RAB5B: variants seen among roughly 807,000 people sequenced by gnomAD.
RAB5B encodes the protein ras-related protein Rab-5B.
In RAB5B, 11 loss-of-function variants were observed where a neutral mutation model predicts 28.6. The ratio of observed to expected loss-of-function variants is 0.38; its 90% CI spans 0.24 to 0.64. The LOEUF is 0.64. RAB5B is among the 30% of genes least tolerant of loss of function. The pLI, the probability that RAB5B is intolerant of heterozygous loss-of-function variation, is 0.53. For synonymous variants in RAB5B, 93 were observed against 97.9 expected (o/e 0.95, Z 0.29); for missense variants, 169 against 265.6 (o/e 0.64, Z 2.53).
rs772342977 is a variant in RAB5B at position 55,994,471 on chromosome 12, C to T, written c.*2259C>T. 2.0e-5 allele frequency: 3 copies of T among 150,384 alleles called. No individual in the cohort carries two copies. The highest frequency in any genetic ancestry group is 4.9e-5 in the African/African-American group (2 of 40,750). 9.3% of individuals were successfully genotyped at this position (150,384 alleles called of 1,614,324 possible). On this transcript the variant is annotated 3_prime_UTR_variant, in exon 6 of 6. Coordinates refer to ENST00000360299, the MANE Select transcript of RAB5B (RefSeq NM_002868.4). Reference sequence around the variant, plus strand: ...CTCTACTTCCTACCACCTCTTCTGCCTTCCTTTGAGCTCTGTTGGGCTTGG... The same window carrying T: ...CTCTACTTCCTACCACCTCTTCTGCTTTCCTTTGAGCTCTGTTGGGCTTGG...
chr12:55,988,584 A>G (rs546901603), intron 2 of RAB5B, among the ~76,000 whole-genome samples: 2 of 152,148 alleles, frequency 1.3e-5, no homozygotes, highest in African/African-American at 4.8e-5. Context: ...GCTCATTGCA[A>G]CTTCTGCCTC....
In RAB5B at chr12:55,996,584, C is replaced by G. The variant is rs1890315620; in HGVS notation, c.*4372C>G. On this transcript the variant is annotated 3_prime_UTR_variant, in exon 6 of 6. Transcript: ENST00000360299. ...CCTCGAACTCCTGGGCTTAAGCGAT[C>G]CTCCCGCCTCAGCCTCCCGAGTACT... 6.6e-6 allele frequency: 1 copy of G among 152,150 alleles called. No homozygotes were observed. Among genetic ancestry groups the G allele is most frequent in the African/African-American group, 2.4e-5 (1 of 41,430 alleles). 9.4% of individuals were successfully genotyped at this position (152,150 alleles called of 1,614,324 possible). A position where few individuals can be genotyped will look rare whatever the true frequency, so the allele number is the denominator to read the frequency against.
At position 55,993,700 on chromosome 12, in the gene RAB5B, A is replaced by T. The variant is rs1890204349; in HGVS notation, c.*1488A>T. On this transcript the variant is annotated 3_prime_UTR_variant, in exon 6 of 6. Transcript: ENST00000360299. ...TAGTCCCTCCATCCTTAATCCCCCC[A>T]TCCCTCCCCATCATGCAACCAGTGG... 6.6e-6 allele frequency: 1 copy of T among 152,314 alleles called. No individual in the cohort carries two copies. Among genetic ancestry groups the T allele is most frequent in the Non-Finnish European group, 1.5e-5 (1 of 68,002 alleles). 9.4% of individuals were successfully genotyped at this position (152,314 alleles called of 1,614,324 possible).
Position 55,994,697 on chromosome 12 carries a change from AAAAAG to A in RAB5B, c.*2491_*2495del, listed in dbSNP as rs1890237579. The A allele has an allele frequency of 6.6e-6, 1 of 152,584 alleles. No homozygotes were observed. Among genetic ancestry groups the A allele is most frequent in the Admixed American group, 6.5e-5 (1 of 15,278 alleles). 9.5% of individuals were successfully genotyped at this position (152,584 alleles called of 1,614,324 possible). ...TATTTAATGTAAGTAAAAAAAGGAAAAAAAGAAAAGGGCATTGGAGTGTTGCTTTT... is the reference window on the plus strand; with the variant it reads ...TATTTAATGTAAGTAAAAAAAGGAAAAAAAGGGCATTGGAGTGTTGCTTTT... On this transcript the variant is annotated 3_prime_UTR_variant, in exon 6 of 6. Coordinates refer to ENST00000360299, the MANE Select transcript of RAB5B (RefSeq NM_002868.4).
Position 55,996,003 on chromosome 12 carries a change from A to ATATATATATATATATTTTTTT in RAB5B, c.*3792_*3793insATATATATATATATTTTTTTT. On this transcript the variant is annotated 3_prime_UTR_variant, in exon 6 of 6. Coordinates refer to ENST00000360299, the MANE Select transcript of RAB5B (RefSeq NM_002868.4). ...TATATACATATATATATATATATAT[A>ATATATATATATATATTTTTTT]TTTTTTTTTTAACAACTGGTAGGAT... The ATATATATATATATATTTTTTT allele has an allele frequency of 2.6e-4, 25 of 97,390 alleles. No homozygotes were observed. Among genetic ancestry groups the ATATATATATATATATTTTTTT allele is most frequent in the Non-Finnish European group, 4.2e-4 (21 of 50,472 alleles). The allele number at this position is 97,390 out of a possible 1,614,324, so 6.0% of individuals were successfully genotyped here.
intron 1 of RAB5B, among the ~76,000 whole-genome samples, chr12:55,984,369 T>C (rs916225923): frequency 6.6e-6 from 1 of 152,166 alleles, no homozygotes; most frequent in Non-Finnish European, 1.5e-5. Flanking sequence ...TTTGTATTTT[T>C]AGTAGAGACG....
chr12:55,979,726 T>C (rs1320896770), intron 1 of RAB5B, among the ~76,000 whole-genome samples: 1 of 152,148 alleles, frequency 6.6e-6, no homozygotes, highest in African/African-American at 2.4e-5. Flanking sequence ...TCTTAATTTG[T>C]TTTTAGTCCC....
At chr12:55,983,998 T>C (rs1889882287) in intron 1 of RAB5B, among the ~76,000 whole-genome samples, 2 of 151,918 alleles carry the variant, frequency 1.3e-5, no homozygotes, top group South Asian at 2.1e-4. Context: ...CACTTTCATA[T>C]TGTGGCTTCT....
Position 55,990,692 on chromosome 12 carries a change from C to T in RAB5B, c.326C>T (p.Ala109Val), listed in dbSNP as rs765629876. 1.3e-5 allele frequency: 21 copies of T among 1,613,500 alleles called. No homozygotes were observed. The Admixed American group carries it at 3.0e-4, about 23-fold the overall frequency. ...TTCATGTTTTCCTAGGAAACCTTTG[C>T]CCGAGCAAAGACATGGGTGAAGGAA... ...VYDITNQETF[A>V]RAKTWVKELQ... Residue 109 changes from alanine to valine, a missense_variant, in exon 4 of 6, where the codon GCC becomes GTC. By Grantham distance (64) the Ala-to-Val change is moderately conservative. Transcript: ENST00000360299.
At chr12:55,991,575 C>T in intron 5 of RAB5B, 122 bp downstream of exon 5, 1 of 720,686 alleles carries the variant, frequency 1.4e-6, no homozygotes. Flanking sequence ...ATGGAAATAC[C>T]TTAACTTTCT....
chr12:55,983,857 G>A (rs1203775367), intron 1 of RAB5B, among the ~76,000 whole-genome samples: 4 of 151,496 alleles, frequency 2.6e-5, no homozygotes, highest in East Asian at 3.9e-4. Context: ...ACTCAGTCTC[G>A]CTATGTTGCC....
Position 55,993,746 on chromosome 12 carries a change from G to A in RAB5B, c.*1534G>A, listed in dbSNP as rs1053368606. 7 of 152,392 alleles carry A rather than the reference G, an allele frequency of 4.6e-5. No homozygotes were observed. Among genetic ancestry groups the A allele is most frequent in the Admixed American group, 2.6e-4 (4 of 15,258 alleles). 9.4% of individuals were successfully genotyped at this position (152,392 alleles called of 1,614,324 possible). On this transcript the variant is annotated 3_prime_UTR_variant, in exon 6 of 6. Coordinates refer to ENST00000360299, the MANE Select transcript of RAB5B (RefSeq NM_002868.4). ...AGTGGTTTAATCCATGTACCAATAG[G>A]GGCTAGTACCACAGAGGCCTCCTGT...
In RAB5B at chr12:55,995,999, A is replaced by ATTT. The variant is rs1207856151; in HGVS notation, c.*3788_*3789insTTT. On this transcript the variant is annotated 3_prime_UTR_variant, in exon 6 of 6. Coordinates refer to ENST00000360299, the MANE Select transcript of RAB5B (RefSeq NM_002868.4). ...TATATATATACATATATATATATAT[A>ATTT]TATATTTTTTTTTTAACAACTGGTA... 3 of 85,828 alleles carry ATTT rather than the reference A, an allele frequency of 3.5e-5. No homozygotes were observed. Among genetic ancestry groups the ATTT allele is most frequent in the African/African-American group, 1.6e-4 (3 of 18,354 alleles). 5.3% of individuals were successfully genotyped at this position (85,828 alleles called of 1,614,324 possible). A position where few individuals can be genotyped will look rare whatever the true frequency, so the allele number is the denominator to read the frequency against.
chr12:55,991,132 TC>T (rs1890104813), intron 4 of RAB5B: 2 of 550,266 alleles, frequency 3.6e-6, no homozygotes, highest in African/African-American at 1.9e-5. Flanking sequence ...ACTTACCCTC[TC>T]CCCTATAATT....
intron 1 of RAB5B, among the ~76,000 whole-genome samples, chr12:55,979,028 C>T (rs1889726551): frequency 6.6e-6 from 1 of 152,058 alleles, no homozygotes; most frequent in Non-Finnish European, 1.5e-5. Context: ...CTGCCTTGGC[C>T]TCTCAAAGTG....
At chr12:55,983,603 C>G (rs1490142905) in intron 1 of RAB5B, among the ~76,000 whole-genome samples, 1 of 150,202 alleles carries the variant, frequency 6.7e-6, no homozygotes, top group East Asian at 1.9e-4. Flanking sequence ...ACCTTGAGTT[C>G]TCACCTCTCA....
chr12:55,990,631 A>T, intron 3 of RAB5B, 51 bp from the exon 4 acceptor site: 1 of 1,605,714 alleles, frequency 6.2e-7, no homozygotes, highest in Non-Finnish European at 8.5e-7. Flanking sequence ...AAGGTGATGG[A>T]TATGGATTGG....
intron 1 of RAB5B, among the ~76,000 whole-genome samples, chr12:55,981,809 T>C (rs1276508111): frequency 6.7e-6 from 1 of 149,494 alleles, no homozygotes; most frequent in Non-Finnish European, 1.5e-5. Flanking sequence ...CGTACTTCTT[T>C]TTTTTTTTTT....
intron 2 of RAB5B, 82 bp from the exon 3 acceptor site, chr12:55,989,865 A>G (rs1051402627): frequency 1.9e-5 from 28 of 1,474,998 alleles, no homozygotes; most frequent in Non-Finnish European, 2.6e-5. Context: ...AGTGTAGGGC[A>G]GTTACATTTT....
Sources: allele counts gnomAD v4.1 joint callset (sites outside exome capture counted in the v4.1 genomes callset), GRCh38; gene constraint gnomAD v4.1.1; transcripts MANE v1.5; gene names NCBI Gene and HGNC (gene_info 2026-07-23, HGNC 2026-07-21).